The following TBCK variants were observed in gnomAD, a reference collection of about 807,000 sequenced individuals.
TBCK encodes TBC1 domain containing kinase.
In TBCK, 99 loss-of-function variants were observed where a neutral mutation model predicts 113.4. The observed-to-expected ratio is 0.87, with a 90% CI of 0.74 to 1.03. TBCK has a LOEUF of 1.03. TBCK is among the 50% of genes least tolerant of loss of function. TBCK has a pLI of 0.00. For missense variants in TBCK, 1,045 were observed against 1,061.3 expected, an observed-to-expected ratio of 0.98 and a Z score of 0.21; for synonymous variants, 369 against 370.8, an observed-to-expected ratio of 1.00 and a Z score of 0.05.
At chr4:106,272,771 A>C (rs989770714) in intron 3 of TBCK, among the ~76,000 whole-genome samples, 2 of 152,136 alleles carry the variant, frequency 1.3e-5, no homozygotes, top group Non-Finnish European at 2.9e-5. Flanking sequence ...CTGGGATTAC[A>C]AGCAAGAGTC....
chr4:106,059,147 A>C (rs1219650294), intron 25 of TBCK, among the ~76,000 whole-genome samples: 1 of 151,628 alleles, frequency 6.6e-6, no homozygotes, highest in Admixed American at 6.6e-5. Context: ...CAGCTGTGGG[A>C]TCTTGGCCAA....
intron 2 of TBCK, among the ~76,000 whole-genome samples, chr4:106,306,682 T>A (rs1253961459): frequency 1.3e-5 from 2 of 152,158 alleles, no homozygotes; most frequent in African/African-American, 4.8e-5. Flanking sequence ...GGTTCCTAAA[T>A]AAATCTTCAA....
At chr4:106,070,898 C>G (rs546837224) in intron 25 of TBCK, among the ~76,000 whole-genome samples, 1 of 152,020 alleles carries the variant, frequency 6.6e-6, no homozygotes, top group African/African-American at 2.4e-5. Context: ...AGGAATTTAT[C>G]CATTTCTTCT....
intron 25 of TBCK, among the ~76,000 whole-genome samples, chr4:106,067,745 A>C (rs1003475989): frequency 4.6e-5 from 7 of 152,144 alleles, no homozygotes; most frequent in Non-Finnish European, 1.0e-4. Flanking sequence ...TTTGTTGAAT[A>C]ATCTATCTTT....
chr4:106,258,176 T>C (rs1762184495), intron 5 of TBCK, among the ~76,000 whole-genome samples: 1 of 152,072 alleles, frequency 6.6e-6, no homozygotes, highest in Non-Finnish European at 1.5e-5. Flanking sequence ...TAGCATAGCA[T>C]TTTAACACTC....
At chr4:106,067,545 T>A (rs1422124515) in intron 25 of TBCK, among the ~76,000 whole-genome samples, 3 of 152,148 alleles carry the variant, frequency 2.0e-5, no homozygotes, top group Admixed American at 1.3e-4. Context: ...GTGCTCTTGG[T>A]GTCATATGTA....
chr4:106,161,123 T>C (rs1749736663), intron 23 of TBCK, among the ~76,000 whole-genome samples: 1 of 151,952 alleles, frequency 6.6e-6, no homozygotes. Flanking sequence ...TAGATGGTGG[T>C]GATGGTTGCA....
rs144400720 is a variant in TBCK, at chr4:106,109,094, G to A, written c.2411+7109C>T. On this transcript the variant is annotated intron_variant, in intron 24 of 25. Coordinates refer to ENST00000394708, the MANE Select transcript of TBCK (RefSeq NM_001163435.3). Reference sequence around the variant, plus strand: ...CAGGGAGGTGAAGGACCCCTACAATGAGAATTACAAAACACTACTCAAAGA... The same window carrying A: ...CAGGGAGGTGAAGGACCCCTACAATAAGAATTACAAAACACTACTCAAAGA... 5.0e-4 allele frequency among the ~76,000 whole-genome samples: 76 copies of A among 151,648 alleles called. No individual in the cohort carries two copies. In the East Asian group the frequency reaches 0.012, roughly 25 times the overall value.
chr4:106,275,331 T>C (rs949138403), intron 3 of TBCK, among the ~76,000 whole-genome samples: 15 of 152,156 alleles, frequency 9.9e-5, no homozygotes, highest in Admixed American at 9.8e-4. Context: ...CCGTATATAA[T>C]GGTGAAATAC....
At chr4:106,090,020 T>C (rs544683234) in intron 25 of TBCK, among the ~76,000 whole-genome samples, 36 of 152,328 alleles carry the variant, frequency 2.4e-4, no homozygotes, top group African/African-American at 8.4e-4. Flanking sequence ...GTGGGGACTC[T>C]GCAGGGGCTC....
chr4:106,089,125 G>A (rs1430818862), intron 25 of TBCK, among the ~76,000 whole-genome samples: 2 of 151,786 alleles, frequency 1.3e-5, no homozygotes, highest in Non-Finnish European at 1.5e-5. Context: ...AACATCTTCT[G>A]GTGAGGCCTC....
intron 23 of TBCK, among the ~76,000 whole-genome samples, chr4:106,132,236 A>C (rs1406383373): frequency 6.6e-6 from 1 of 152,178 alleles, no homozygotes; most frequent in Non-Finnish European, 1.5e-5. Flanking sequence ...GAGGCCTAGG[A>C]GCAAAAAATG....
intron 23 of TBCK, among the ~76,000 whole-genome samples, chr4:106,161,867 T>C (rs969528041): frequency 1.3e-5 from 2 of 152,038 alleles, no homozygotes; most frequent in Non-Finnish European, 2.9e-5. Context: ...ATGCTATGAT[T>C]CCATTTATTT....
chr4:106,086,611 C>T (rs62321362), intron 25 of TBCK, among the ~76,000 whole-genome samples: 11,792 of 152,166 alleles, frequency 0.077, 517 homozygotes, highest in Middle Eastern at 0.18. Context: ...ATATCAAAAC[C>T]GGGAAGAGAC....
chr4:106,149,025 T>C (rs956191534), intron 23 of TBCK, among the ~76,000 whole-genome samples: 6 of 152,248 alleles, frequency 3.9e-5, no homozygotes, highest in Admixed American at 3.9e-4. Flanking sequence ...TTTTACGTTT[T>C]GAAGACAGTT....
intron 22 of TBCK, among the ~76,000 whole-genome samples, chr4:106,183,476 T>G (rs1169307846): frequency 6.6e-6 from 1 of 152,046 alleles, no homozygotes; most frequent in Non-Finnish European, 1.5e-5. Context: ...ATCTGTGTTA[T>G]CCTTATACTA....
At chr4:106,253,935 G>T (rs1761700715) in intron 5 of TBCK, among the ~76,000 whole-genome samples, 1 of 152,116 alleles carries the variant, frequency 6.6e-6, no homozygotes. Context: ...AGATAGAGAG[G>T]GAGTCTCCAG....
chr4:106,267,135 T>A, intron 3 of TBCK, among the ~76,000 whole-genome samples: 1 of 151,962 alleles, frequency 6.6e-6, no homozygotes, highest in East Asian at 1.9e-4. Context: ...TCAAAAAATA[T>A]TCTACTCCTT....
intron 25 of TBCK, among the ~76,000 whole-genome samples, chr4:106,081,075 AAGTT>A (rs1738806303): frequency 6.6e-6 from 1 of 152,226 alleles, no homozygotes; most frequent in African/African-American, 2.4e-5. Flanking sequence ...GTGTTAGTGT[AAGTT>A]AGTTGAACCA....
Sources: allele counts gnomAD v4.1 joint callset (sites outside exome capture counted in the v4.1 genomes callset), GRCh38; gene constraint gnomAD v4.1.1; transcripts MANE v1.5; gene names NCBI Gene and HGNC (gene_info 2026-07-23, HGNC 2026-07-21).